The following BTBD9 variants were observed in gnomAD, a reference collection of about 807,000 sequenced individuals.
BTBD9 encodes the protein BTB domain containing 9.
In BTBD9, 49 loss-of-function variants were observed where a neutral mutation model predicts 64.3. The observed-to-expected ratio is 0.76, with a 90% CI of 0.61 to 0.97. The LOEUF (loss-of-function observed/expected upper bound fraction) is 0.97. Among genes scored for constraint, BTBD9 ranks in the 50% least tolerant of loss-of-function variants. BTBD9 has a pLI of 0.00. For synonymous variants in BTBD9, 260 were observed against 274.7 expected, an observed-to-expected ratio of 0.95 and a Z score of 0.53; for missense variants, 598 against 762.1, an observed-to-expected ratio of 0.78 and a Z score of 2.53.
intron 10 of BTBD9, among the ~76,000 whole-genome samples, chr6:38,188,555 A>G (rs1487264644): frequency 6.6e-6 from 1 of 152,254 alleles, no homozygotes; most frequent in African/African-American, 2.4e-5. Context: ...AAATCCATCG[A>G]TAGTTTTTGA....
chr6:38,442,311 C>A (rs940245818), intron 6 of BTBD9, among the ~76,000 whole-genome samples: 4 of 151,996 alleles, frequency 2.6e-5, no homozygotes, highest in Admixed American at 2.6e-4. Flanking sequence ...CATAGTGAAA[C>A]CCCGTCTCTA....
chr6:38,587,162 A>G (rs939555956), intron 4 of BTBD9, among the ~76,000 whole-genome samples: 6 of 152,024 alleles, frequency 3.9e-5, no homozygotes, highest in African/African-American at 1.4e-4. Context: ...GTGGCCATGG[A>G]GGGCAACCGA....
In BTBD9 at chr6:38,236,759, C is replaced by A. The variant is rs367903196; in HGVS notation, c.1562+19650G>T. 1.3e-3 allele frequency among the ~76,000 whole-genome samples: 191 copies of A among 152,312 alleles called. 1 individual carries two copies. The highest frequency in any genetic ancestry group is 3.4e-3 in the Middle Eastern group (1 of 294). On this transcript the variant is annotated intron_variant, in intron 9 of 10. Transcript: ENST00000481247. ...TGACATTTGATTAAAAATCTGCTTC[C>A]ACCTGGGTCAGTGCATTTCATGTGC... is the stretch of plus-strand genomic sequence containing the variant.
intron 6 of BTBD9, among the ~76,000 whole-genome samples, chr6:38,390,115 G>A (rs1582347124): frequency 6.6e-6 from 1 of 152,174 alleles, no homozygotes. Context: ...CTCAGAGTGT[G>A]CTGCGCTACA....
Position 38,374,307 on chromosome 6 carries a change from G to GTGTA in BTBD9, c.1155-29215_1155-29214insTACA, listed in dbSNP as rs1554143563. Among the ~76,000 whole-genome samples, 35 of 59,088 alleles carry GTGTA rather than the reference G, an allele frequency of 5.9e-4. 1 individual carries two copies. Among genetic ancestry groups the GTGTA allele is most frequent in the African/African-American group, 2.3e-3 (29 of 12,608 alleles). The allele number at this position is 59,088 out of a possible 152,430, so 38.8% of individuals were successfully genotyped here. On this transcript the variant is annotated intron_variant, in intron 6 of 10. Coordinates refer to ENST00000481247, the MANE Select transcript of BTBD9 (RefSeq NM_001099272.2). ...AGTATATATATATATGTATATATAT[G>GTGTA]TATATATATATATATATATGTATAT...
intron 10 of BTBD9, among the ~76,000 whole-genome samples, chr6:38,182,599 G>A (rs577638690): frequency 6.6e-6 from 1 of 152,264 alleles, no homozygotes; most frequent in East Asian, 1.9e-4. Flanking sequence ...CCAGCTGCCT[G>A]GGCGGTTCTT....
chr6:38,211,386 A>G (rs1441054821), intron 9 of BTBD9, among the ~76,000 whole-genome samples: 1 of 149,018 alleles, frequency 6.7e-6, no homozygotes, highest in East Asian at 2.0e-4. Context: ...CTGAGATAGC[A>G]CCACTGCACT....
At chr6:38,530,959 A>AAAAGAATG in intron 6 of BTBD9, among the ~76,000 whole-genome samples, 1 of 152,324 alleles carries the variant, frequency 6.6e-6, no homozygotes, top group South Asian at 2.1e-4. Context: ...AATAATTCAA[A>AAAAGAATG]AAAGAATGAA....
chr6:38,429,396 A>G (rs1042432971), intron 6 of BTBD9, among the ~76,000 whole-genome samples: 1 of 149,894 alleles, frequency 6.7e-6, no homozygotes, highest in Non-Finnish European at 1.5e-5. Flanking sequence ...CGGAGATTGC[A>G]GTGAGCCGAG....
intron 6 of BTBD9, among the ~76,000 whole-genome samples, chr6:38,367,651 C>T (rs1303638290): frequency 6.6e-6 from 1 of 151,956 alleles, no homozygotes; most frequent in African/African-American, 2.4e-5. Context: ...CCTCTCAGAC[C>T]ACAAATGGTG....
In BTBD9 at chr6:38,170,279, T is replaced by A. The variant is rs1766702945; in HGVS notation, c.*4706A>T. 6.6e-6 allele frequency: 1 copy of A among 152,146 alleles called. No individual in the cohort carries two copies. The highest frequency in any genetic ancestry group is 2.4e-5 in the African/African-American group (1 of 41,346). The allele number at this position is 152,146 out of a possible 1,614,324, so 9.4% of individuals were successfully genotyped here. A position where few individuals can be genotyped will look rare whatever the true frequency, so the allele number is the denominator to read the frequency against. ...GCCTCTGCATGAGCCCAGCAGAAAA[T>A]CCTAGCTGGAAGGCCGTGGGGCTTG... On this transcript the variant is annotated 3_prime_UTR_variant, in exon 11 of 11. Coordinates refer to ENST00000481247, the MANE Select transcript of BTBD9 (RefSeq NM_001099272.2).
chr6:38,526,118 A>G (rs1215146426), intron 6 of BTBD9, among the ~76,000 whole-genome samples: 1 of 152,228 alleles, frequency 6.6e-6, no homozygotes, highest in South Asian at 2.1e-4. Flanking sequence ...CCAGGAGAGA[A>G]GAATGGTTTT....
chr6:38,402,187 T>C (rs1766956940), intron 6 of BTBD9, among the ~76,000 whole-genome samples: 1 of 152,158 alleles, frequency 6.6e-6, no homozygotes, highest in Non-Finnish European at 1.5e-5. Context: ...TTGAAAGAAA[T>C]TTTAAAAGTC....
intron 6 of BTBD9, among the ~76,000 whole-genome samples, chr6:38,496,258 T>C (rs904381903): frequency 3.3e-5 from 5 of 152,322 alleles, no homozygotes; most frequent in African/African-American, 1.2e-4. Flanking sequence ...TTACTTTTTA[T>C]AATATTTTAA....
At chr6:38,329,542 C>T (rs1466196414) in intron 7 of BTBD9, among the ~76,000 whole-genome samples, 1 of 151,960 alleles carries the variant, frequency 6.6e-6, no homozygotes, top group African/African-American at 2.4e-5. Context: ...AGGCCGGTCT[C>T]AAACTCCTGA....
intron 6 of BTBD9, among the ~76,000 whole-genome samples, chr6:38,574,454 T>C (rs1775934278): frequency 1.3e-5 from 2 of 152,120 alleles, no homozygotes; most frequent in Admixed American, 1.3e-4. Flanking sequence ...CCAAAAAGAC[T>C]AGGGTCTTTA....
intron 6 of BTBD9, among the ~76,000 whole-genome samples, chr6:38,375,362 C>A (rs542564739): frequency 2.6e-5 from 4 of 152,304 alleles, no homozygotes; most frequent in Admixed American, 2.0e-4. Flanking sequence ...TCATAAAATG[C>A]ATGCTATTGT....
chr6:38,610,798 G>T (rs1777592160), intron 1 of BTBD9, among the ~76,000 whole-genome samples: 1 of 151,774 alleles, frequency 6.6e-6, no homozygotes, highest in South Asian at 2.1e-4. Flanking sequence ...CTTTTTGGAG[G>T]TCAGTTTGGC....
chr6:38,246,447 C>A (rs930875285), intron 9 of BTBD9, among the ~76,000 whole-genome samples: 1 of 149,178 alleles, frequency 6.7e-6, no homozygotes, highest in Admixed American at 6.8e-5. Context: ...TCAGACTTGG[C>A]GCACGTGCAC....
Sources: allele counts gnomAD v4.1 joint callset (sites outside exome capture counted in the v4.1 genomes callset), GRCh38; gene constraint gnomAD v4.1.1; transcripts MANE v1.5; gene names NCBI Gene and HGNC (gene_info 2026-07-23, HGNC 2026-07-21).